The following ACAD11 variants were observed in gnomAD, a reference collection of about 807,000 sequenced individuals.
The protein encoded by ACAD11 is acyl-Coenzyme A dehydrogenase family, member 11.
In ACAD11, 83 loss-of-function variants were observed where a neutral mutation model predicts 102.2. That is an observed-to-expected ratio of 0.81 (90% CI 0.68 to 0.97). ACAD11 has a LOEUF of 0.97. Ranked by LOEUF, ACAD11 falls within the 50% of genes least tolerant of loss-of-function variation. The pLI, the probability that ACAD11 is intolerant of heterozygous loss-of-function variation, is 0.00. For synonymous variants in ACAD11, 324 were observed against 319.8 expected (o/e 1.01, Z -0.14); for missense variants, 901 against 951.7 (o/e 0.95, Z 0.70).
chr3:132,561,267 T>C, intron 17 of ACAD11, 50 bp from the exon 18 acceptor site: 1 of 1,356,782 alleles, frequency 7.4e-7, no homozygotes, highest in East Asian at 2.3e-5. Context: ...AGCTGGTATC[T>C]GATGTCCACG....
At chr3:132,590,108 T>C (rs892508995) in intron 13 of ACAD11, among the ~76,000 whole-genome samples, 5 of 152,238 alleles carry the variant, frequency 3.3e-5, no homozygotes, top group Middle Eastern at 3.2e-3. Flanking sequence ...CAATCTGTCA[T>C]TGATGGGCAT....
chr3:132,575,507 C>T (rs1937509721), intron 17 of ACAD11, among the ~76,000 whole-genome samples: 1 of 152,110 alleles, frequency 6.6e-6, no homozygotes. Context: ...TCCAGGTTCT[C>T]TAAAGAACAA....
At chr3:132,566,914 T>C (rs527433411) in intron 17 of ACAD11, among the ~76,000 whole-genome samples, 2 of 152,308 alleles carry the variant, frequency 1.3e-5, no homozygotes, top group Admixed American at 6.5e-5. Context: ...TATTTGATGG[T>C]GGAGGCAAAA....
At chr3:132,593,900 G>A (rs1938189989) in intron 13 of ACAD11, among the ~76,000 whole-genome samples, 1 of 152,150 alleles carries the variant, frequency 6.6e-6, no homozygotes, top group South Asian at 2.1e-4. Context: ...AGCTAAAGAA[G>A]CATCAAGTAA....
intron 5 of ACAD11, among the ~76,000 whole-genome samples, chr3:132,632,559 G>A (rs927393433): frequency 4.6e-5 from 7 of 152,108 alleles, no homozygotes; most frequent in Non-Finnish European, 7.4e-5. Flanking sequence ...TTGGCAATGC[G>A]GGCTCTTTCT....
In ACAD11 at chr3:132,659,691, C is replaced by A; in HGVS notation, c.61G>T (p.Asp21Tyr). 4 of 1,611,910 alleles carry A rather than the reference C, an allele frequency of 2.5e-6. No homozygotes were observed. The highest frequency in any genetic ancestry group is 3.4e-6 in the Non-Finnish European group (4 of 1,178,914). Residue 21 changes from aspartate to tyrosine, a missense_variant, in exon 1 of 20, where the codon GAC becomes TAC. Transcript: ENST00000264990. ...LAEVLPQHKF[D>Y]SKSLEAYLNQ... The stretch of plus-strand genomic sequence containing the variant: ...AGGTAGGCCTCCAGGGACTTGCTGT[C>A]GAACTTGTGCTGGGGCAGCACTTCG...
chr3:132,593,370 T>C (rs888481438), intron 13 of ACAD11, among the ~76,000 whole-genome samples: 2 of 152,160 alleles, frequency 1.3e-5, no homozygotes, highest in African/African-American at 2.4e-5. Context: ...ATTTTTAAAA[T>C]TGCTTAACTT....
chr3:132,588,222 T>TATGTATGTATGTATGG (rs567667896), intron 13 of ACAD11, among the ~76,000 whole-genome samples: 1 of 152,110 alleles, frequency 6.6e-6, no homozygotes, highest in African/African-American at 2.4e-5. Context: ...TGTATGTATG[T>TATGTATGTATGTATGG]ATGCATGTAG....
At chr3:132,636,673 G>C (rs1029056219) in intron 5 of ACAD11, among the ~76,000 whole-genome samples, 5 of 152,290 alleles carry the variant, frequency 3.3e-5, no homozygotes, top group Admixed American at 3.3e-4. Flanking sequence ...TCTTTATAGT[G>C]TATGCAGGTC....
rs532675366 is a variant in ACAD11 at position 132,613,846 on chromosome 3, C to T, written c.1414+4788G>A. Among the ~76,000 whole-genome samples, 7 of 152,032 alleles carry T rather than the reference C, an allele frequency of 4.6e-5. No individual in the cohort carries two copies. The East Asian group carries it at 1.4e-3, about 29-fold the overall frequency. On this transcript the variant is annotated intron_variant, in intron 11 of 19. Coordinates refer to ENST00000264990, the MANE Select transcript of ACAD11 (RefSeq NM_032169.5). Reference sequence around the variant, plus strand: ...CCTGGGAGGCGGAGGTTGCAGTGAGCCAAGATTGCACCACTGCTCTCCAGC... The same window carrying T: ...CCTGGGAGGCGGAGGTTGCAGTGAGTCAAGATTGCACCACTGCTCTCCAGC...
At position 132,641,998 on chromosome 3, in the gene ACAD11, T is replaced by TACC; in HGVS notation, c.508_510dup (p.Gly170dup). 6.2e-7 allele frequency: 1 copy of TACC among 1,613,876 alleles called. No homozygotes were observed. Among genetic ancestry groups the TACC allele is most frequent in the Middle Eastern group, 1.7e-4 (1 of 6,060 alleles). ...TGTCTTTTGCAGTACCCAGCACCTA[T>TACC]ACCATATCCTTCCAGCTGCAGTGAC... On this transcript the variant is annotated inframe_insertion, in exon 4 of 20. Transcript: ENST00000264990.
At chr3:132,572,226 C>CA (rs1336180281) in intron 17 of ACAD11, among the ~76,000 whole-genome samples, 1 of 151,994 alleles carries the variant, frequency 6.6e-6, no homozygotes, top group Admixed American at 6.6e-5. Flanking sequence ...TCTCAGGATA[C>CA]AAAATCAACA....
chr3:132,593,014 C>T (rs1295417124), intron 13 of ACAD11, among the ~76,000 whole-genome samples: 1 of 150,918 alleles, frequency 6.6e-6, no homozygotes, highest in Non-Finnish European at 1.5e-5. Context: ...CAAAATAAAT[C>T]CCAAATAGAG....
intron 1 of ACAD11, among the ~76,000 whole-genome samples, chr3:132,652,415 A>T (rs1242711026): frequency 2.0e-5 from 3 of 152,188 alleles, no homozygotes; most frequent in Non-Finnish European, 2.9e-5. Flanking sequence ...GCAATATGAG[A>T]ACAGACTAAT....
At chr3:132,639,743 C>T in intron 4 of ACAD11, 87 bp from the exon 5 acceptor site, 1 of 1,250,624 alleles carries the variant, frequency 8.0e-7, no homozygotes, top group Non-Finnish European at 1.1e-6. Flanking sequence ...AATTCAAATG[C>T]TGTTTTACTC....
At chr3:132,625,083 G>A (rs1939762822) in intron 9 of ACAD11, among the ~76,000 whole-genome samples, 1 of 152,130 alleles carries the variant, frequency 6.6e-6, no homozygotes, top group South Asian at 2.1e-4. Context: ...TCGTCCACCT[G>A]CAGGTAATTC....
intron 5 of ACAD11, among the ~76,000 whole-genome samples, chr3:132,633,436 G>A (rs1940133847): frequency 6.6e-6 from 1 of 152,160 alleles, no homozygotes; most frequent in Non-Finnish European, 1.5e-5. Flanking sequence ...ACTTGGTCAT[G>A]GTGGATAAGC....
intron 1 of ACAD11, among the ~76,000 whole-genome samples, chr3:132,658,445 T>C (rs578077671): frequency 1.3e-4 from 20 of 152,378 alleles, no homozygotes; most frequent in South Asian, 4.1e-4. Context: ...CTTTCAGTTA[T>C]GTACCTCTTC....
At chr3:132,596,135 G>A (rs568644475) in intron 13 of ACAD11, among the ~76,000 whole-genome samples, 3 of 152,230 alleles carry the variant, frequency 2.0e-5, no homozygotes, top group South Asian at 2.1e-4. Context: ...TTGCAGGCAC[G>A]TGGATGGAGC....
Sources: allele counts gnomAD v4.1 joint callset (sites outside exome capture counted in the v4.1 genomes callset), GRCh38; gene constraint gnomAD v4.1.1; transcripts MANE v1.5; gene names NCBI Gene and HGNC (gene_info 2026-07-23, HGNC 2026-07-21).